Variants in XYLB observed in about 807,000 individuals in gnomAD.
XYLB encodes xylulose kinase.
Under a neutral mutation model 78.7 loss-of-function variants are expected in XYLB, and 62 were observed. That is an observed-to-expected ratio of 0.79 (90% CI 0.64 to 0.97). The LOEUF is 0.97. Ranked by LOEUF, XYLB falls within the 50% of genes least tolerant of loss-of-function variation. The probability of loss-of-function intolerance (pLI) is 0.00; values close to 1 mark genes in which losing one functional copy is unlikely to be tolerated. For synonymous variants in XYLB, 245 were observed against 247.4 expected (o/e 0.99, Z 0.09); for missense variants, 687 against 676.8 (o/e 1.02, Z -0.17).
chr3:38,434,053 G>A, the XYLB span, among the ~76,000 whole-genome samples: 1 of 152,232 alleles, frequency 6.6e-6, no homozygotes. Flanking sequence ...GCAGGAGAGA[G>A]CCTGAGCACT....
chr3:38,431,406 C>G, the XYLB span, among the ~76,000 whole-genome samples: 194 of 152,292 alleles, frequency 1.3e-3, no homozygotes, highest in African/African-American at 4.4e-3. Context: ...ATTTTGTATC[C>G]TGACACTTTG....
At chr3:38,432,460 G>A in the XYLB span, among the ~76,000 whole-genome samples, 918 of 152,190 alleles carry the variant, frequency 6.0e-3, 5 homozygotes, top group African/African-American at 0.021. Context: ...CCAGCTACTC[G>A]GGAGGCTGAG....
chr3:38,366,041 G>T (rs565769156), intron 6 of XYLB, among the ~76,000 whole-genome samples: 1 of 150,722 alleles, frequency 6.6e-6, no homozygotes, highest in Admixed American at 6.6e-5. Context: ...CAGGACTTAC[G>T]TTTTGGGTAG....
chr3:38,420,646 A>T (rs1181624496), exon 18 of XYLB, among the ~76,000 whole-genome samples: 1 of 152,232 alleles, frequency 6.6e-6, no homozygotes, highest in African/African-American at 2.4e-5. Flanking sequence ...CTCAATTTAC[A>T]TAAAAATATA....
At chr3:38,370,247 C>CACACACACACACAT in intron 9 of XYLB, 73 bp downstream of exon 9, 1 of 829,182 alleles carries the variant, frequency 1.2e-6, no homozygotes. Context: ...AGCGCACACA[C>CACACACACACACAT]ACACACACAC....
the XYLB span, among the ~76,000 whole-genome samples, chr3:38,442,368 C>A: frequency 1.3e-5 from 2 of 152,212 alleles, no homozygotes. Flanking sequence ...AGTGCCTGGA[C>A]TTGAGAAGTG....
chr3:38,356,627 C>T (rs1319554205), intron 2 of XYLB: 1 of 152,200 alleles, frequency 6.6e-6, no homozygotes, highest in African/African-American at 2.4e-5. Flanking sequence ...CCAACTTGAA[C>T]CAGATACCTG....
chr3:38,413,542 TC>T lies in XYLB; in HGVS notation c.*531del, dbSNP rs1708685523. 1 of 151,856 alleles carries T rather than the reference TC, an allele frequency of 6.6e-6. No homozygotes were observed. Among genetic ancestry groups the T allele is most frequent in the African/African-American group, 2.4e-5 (1 of 41,086 alleles). 9.4% of individuals were successfully genotyped at this position (151,856 alleles called of 1,614,324 possible). A position where few individuals can be genotyped will look rare whatever the true frequency, so the allele number is the denominator to read the frequency against. Reference sequence around the variant, plus strand: ...GTCTCTTCTCTCCCACACCCTGCCCTCCTTGTTTCAGCTGTCTGAGGTGCCT... The same window carrying T: ...GTCTCTTCTCTCCCACACCCTGCCCTCTTGTTTCAGCTGTCTGAGGTGCCT... On this transcript the variant is annotated 3_prime_UTR_variant, in exon 19 of 19. Transcript: ENST00000207870.
chr3:38,382,224 T>TA (rs1707182063), intron 15 of XYLB, among the ~76,000 whole-genome samples: 1 of 152,112 alleles, frequency 6.6e-6, no homozygotes, highest in Non-Finnish European at 1.5e-5. Flanking sequence ...CACATGCCTG[T>TA]AGTCCCAGCT....
At chr3:38,443,575 T>C in the XYLB span, among the ~76,000 whole-genome samples, 4 of 152,222 alleles carry the variant, frequency 2.6e-5, no homozygotes, top group African/African-American at 7.2e-5. Flanking sequence ...CTGATTTCAC[T>C]TTTTCTTCTC....
the XYLB span, chr3:38,452,385 A>G: frequency 6.6e-6 from 1 of 152,132 alleles, no homozygotes; most frequent in Non-Finnish European, 1.5e-5. Flanking sequence ...GACCGGGGGT[A>G]GTTGACCCTA....
the XYLB span, among the ~76,000 whole-genome samples, chr3:38,440,930 CTCTT>C: frequency 6.6e-6 from 1 of 151,826 alleles, no homozygotes; most frequent in Non-Finnish European, 1.5e-5. Flanking sequence ...CTTTCCTTCT[CTCTT>C]TGACTTTGTC....
chr3:38,387,519 C>T (rs1315675601), intron 15 of XYLB, among the ~76,000 whole-genome samples: 5 of 151,930 alleles, frequency 3.3e-5, no homozygotes, highest in African/African-American at 9.7e-5. Context: ...TACAGGCAAG[C>T]GCCACCACAT....
At chr3:38,431,120 C>T in the XYLB span, among the ~76,000 whole-genome samples, 3 of 152,174 alleles carry the variant, frequency 2.0e-5, no homozygotes, top group Non-Finnish European at 4.4e-5. Flanking sequence ...ATGGGGATGG[C>T]ATTGAATCTA....
intron 4 of XYLB, among the ~76,000 whole-genome samples, chr3:38,363,820 C>T (rs966814215): frequency 6.6e-6 from 1 of 152,170 alleles, no homozygotes; most frequent in Non-Finnish European, 1.5e-5. Context: ...GGAGTCAGGA[C>T]CTGAGTCTAT....
the XYLB span, among the ~76,000 whole-genome samples, chr3:38,435,805 A>G: frequency 6.6e-6 from 1 of 152,214 alleles, no homozygotes; most frequent in Non-Finnish European, 1.5e-5. Flanking sequence ...TGGAAACTAT[A>G]GAAATATATG....
intron 18 of XYLB, among the ~76,000 whole-genome samples, chr3:38,408,352 A>G (rs1233596345): frequency 5.9e-5 from 9 of 151,944 alleles, no homozygotes; most frequent in Non-Finnish European, 1.3e-4. Flanking sequence ...CAAAGACACA[A>G]CATACCAGAA....
the XYLB span, among the ~76,000 whole-genome samples, chr3:38,439,362 CA>C: frequency 6.6e-6 from 1 of 152,104 alleles, no homozygotes; most frequent in African/African-American, 2.4e-5. Context: ...CCAAATTTGA[CA>C]AGGATGTTAA....
intron 13 of XYLB, among the ~76,000 whole-genome samples, chr3:38,376,499 C>T (rs1448843177): frequency 3.3e-5 from 5 of 152,210 alleles, no homozygotes; most frequent in Admixed American, 6.5e-5. Flanking sequence ...CACCAAGCCC[C>T]TGGTGACAGC....
Sources: gnomAD v4.1 joint callset for allele counts (sites outside exome capture counted in the v4.1 genomes callset) on GRCh38, gnomAD v4.1.1 for gene constraint, MANE v1.5 for transcripts, NCBI Gene and HGNC (gene_info 2026-07-23, HGNC 2026-07-21) for gene names.